The following FRMPD4 variants were observed in gnomAD, a reference collection of about 807,000 sequenced individuals.
FRMPD4 encodes the protein FERM and PDZ domain-containing protein 4.
Under a neutral mutation model 94.1 loss-of-function variants are expected in FRMPD4, and 22 were observed. The ratio of observed to expected loss-of-function variants is 0.23; its 90% CI spans 0.17 to 0.33. The LOEUF is 0.33. FRMPD4 is among the 10% of genes least tolerant of loss of function. The probability of loss-of-function intolerance (pLI) is 1.00; values close to 1 mark genes in which losing one functional copy is unlikely to be tolerated. For synonymous variants in FRMPD4, 631 were observed against 548.6 expected, an observed-to-expected ratio of 1.15 and a Z score of -2.10; for missense variants, 1,111 against 1,339.9, an observed-to-expected ratio of 0.83 and a Z score of 2.67.
chrX:12,148,807 C>G (rs899939176), intron 1 of FRMPD4, among the ~76,000 whole-genome samples: 4 of 112,071 alleles, frequency 3.6e-5, no homozygotes, highest in Non-Finnish European at 5.6e-5. Flanking sequence ...TCCACAACTT[C>G]TAGAGCCCTT....
At chrX:12,382,536 A>G (rs1302835601) in intron 1 of FRMPD4, among the ~76,000 whole-genome samples, 1 of 103,501 alleles carries the variant, frequency 9.7e-6, no homozygotes, top group Non-Finnish European at 2.0e-5. Context: ...CATAGAGCAT[A>G]GCATAGCATA....
At chrX:11,944,524 A>G (rs919114746) in intron 3 of FRMPD4, among the ~76,000 whole-genome samples, 1 of 112,240 alleles carries the variant, frequency 8.9e-6, no homozygotes, top group Non-Finnish European at 1.9e-5. Context: ...TAAAATTAAT[A>G]GAACCTAGAT....
chrX:11,849,892 C>G (rs946118504), intron 1 of FRMPD4, among the ~76,000 whole-genome samples: 6 of 110,800 alleles, frequency 5.4e-5, no homozygotes, highest in Non-Finnish European at 7.6e-5. Flanking sequence ...AATATGACAC[C>G]AAAAGCATAG....
At chrX:11,858,393 T>C (rs909139773) in intron 1 of FRMPD4, among the ~76,000 whole-genome samples, 1 of 111,451 alleles carries the variant, frequency 9.0e-6, no homozygotes, top group African/African-American at 3.3e-5. Context: ...TGAGATCATG[T>C]CCTTTGCAGG....
intron 5 of FRMPD4, among the ~76,000 whole-genome samples, chrX:12,677,418 C>T (rs1291148560): frequency 3.7e-5 from 4 of 109,021 alleles, no homozygotes; most frequent in Non-Finnish European, 7.6e-5. Context: ...AAAAACAAGA[C>T]TGCAATCTTT....
At chrX:12,474,293 T>C (rs910309372) in intron 1 of FRMPD4, among the ~76,000 whole-genome samples, 5 of 110,835 alleles carry the variant, frequency 4.5e-5, no homozygotes, top group African/African-American at 1.7e-4. Context: ...CCAGAATCTC[T>C]GGGACACATT....
At chrX:12,702,083 T>C (rs2041796699) in intron 10 of FRMPD4, 73 bp downstream of exon 10, 2 of 1,038,072 alleles carry the variant, frequency 1.9e-6, no homozygotes, top group South Asian at 2.0e-5. Flanking sequence ...ATTTTTGTTA[T>C]TTGTCCAAAA....
chrX:12,503,894 T>C (rs1480437488), intron 2 of FRMPD4, among the ~76,000 whole-genome samples: 1 of 112,328 alleles, frequency 8.9e-6, no homozygotes, highest in Non-Finnish European at 1.9e-5. Context: ...TCCCTTTATC[T>C]GTTACTCTGT....
chrX:12,105,547 C>T (rs1315115716), intron 3 of FRMPD4, among the ~76,000 whole-genome samples: 2 of 112,459 alleles, frequency 1.8e-5, no homozygotes, highest in Non-Finnish European at 1.9e-5. Context: ...TAATCTTTCA[C>T]TTAACCCTCA....
rs192186167 is a variant in FRMPD4 at position 12,322,739 on chromosome X, G to A, written c.42-175941G>A. ...CAGTCAATTTTGCTGGTCATACGTAGCATTTCATTTTTAAATAATGAGATA... is the reference window on the plus strand; with the variant it reads ...CAGTCAATTTTGCTGGTCATACGTAACATTTCATTTTTAAATAATGAGATA... On this transcript the variant is annotated intron_variant, in intron 1 of 16. Coordinates refer to ENST00000675598, the MANE Select transcript of FRMPD4 (RefSeq NM_001368397.1). Among the ~76,000 whole-genome samples, 139 of 111,662 alleles carry A rather than the reference G, an allele frequency of 1.2e-3. 1 individual carries two copies. The highest frequency in any genetic ancestry group is 4.3e-3 in the African/African-American group (133 of 30,757).
At chrX:12,166,167 G>C (rs1457966055) in intron 1 of FRMPD4, among the ~76,000 whole-genome samples, 3 of 111,911 alleles carry the variant, frequency 2.7e-5, no homozygotes, top group African/African-American at 9.8e-5. Context: ...TGTCCATTCA[G>C]TATGATATTG....
intron 3 of FRMPD4, among the ~76,000 whole-genome samples, chrX:11,996,403 G>T (rs2054496440): frequency 8.9e-6 from 1 of 112,152 alleles, no homozygotes; most frequent in South Asian, 3.7e-4. Flanking sequence ...TAACAATCAT[G>T]TTCCCAGAGT....
At chrX:12,403,247 C>T (rs925862034) in intron 1 of FRMPD4, among the ~76,000 whole-genome samples, 1 of 111,869 alleles carries the variant, frequency 8.9e-6, no homozygotes, top group African/African-American at 3.3e-5. Context: ...GCCTGCCTTT[C>T]CTGCCTCCTT....
At chrX:12,305,725 G>GTTTTTTTTTGTT (rs563804861) in intron 1 of FRMPD4, among the ~76,000 whole-genome samples, 917 of 59,687 alleles carry the variant, frequency 0.015, 59 homozygotes, top group African/African-American at 0.066. Context: ...AGCTGGCTAA[G>GTTTTTTTTTGTT]TTTTTTTTTT....
intron 3 of FRMPD4, among the ~76,000 whole-genome samples, chrX:11,923,864 C>T (rs896440641): frequency 1.8e-5 from 2 of 112,329 alleles, no homozygotes; most frequent in African/African-American, 6.5e-5. Flanking sequence ...CTCAAAAAGC[C>T]AGAGTGCCTT....
chrX:12,652,240 A>G (rs1014313781), intron 4 of FRMPD4, among the ~76,000 whole-genome samples: 2 of 112,094 alleles, frequency 1.8e-5, no homozygotes, highest in East Asian at 2.8e-4. Flanking sequence ...TGAAAATTCC[A>G]TTCTTCTCTC....
chrX:12,644,908 C>T (rs1329269246), intron 4 of FRMPD4, among the ~76,000 whole-genome samples: 1 of 111,734 alleles, frequency 8.9e-6, no homozygotes, highest in Non-Finnish European at 1.9e-5. Context: ...CAAAGCAAGT[C>T]GAGAGTGAGT....
Position 12,457,360 on chromosome X carries a change from C to T in FRMPD4, c.42-41320C>T, listed in dbSNP as rs1437672379. Among the ~76,000 whole-genome samples, 8 of 111,475 alleles carry T rather than the reference C, an allele frequency of 7.2e-5. No individual in the cohort carries two copies. In the South Asian group the frequency reaches 1.5e-3, roughly 22 times the overall value. On this transcript the variant is annotated intron_variant, in intron 1 of 16. Coordinates refer to ENST00000675598, the MANE Select transcript of FRMPD4 (RefSeq NM_001368397.1). ...AGTGGTCCTCATGTTTCTCACTCCA[C>T]TGGGCCATGAAGAAAGATATCCAAA...
intron 4 of FRMPD4, among the ~76,000 whole-genome samples, chrX:12,660,178 T>G (rs1368090828): frequency 2.7e-5 from 3 of 112,354 alleles, no homozygotes; most frequent in Non-Finnish European, 5.6e-5. Context: ...CTCCCTAGGT[T>G]TAAAATTCAA....
Sources: gnomAD v4.1 joint callset for allele counts (sites outside exome capture counted in the v4.1 genomes callset) on GRCh38, gnomAD v4.1.1 for gene constraint, MANE v1.5 for transcripts, NCBI Gene and HGNC (gene_info 2026-07-23, HGNC 2026-07-21) for gene names.